CNTN3: variants seen among roughly 807,000 people sequenced by gnomAD.
The protein encoded by CNTN3 is contactin 3, also known as contactin-3.
CNTN3 carries 60 observed loss-of-function variants against 119.1 expected under a neutral mutation model. The observed-to-expected ratio is 0.50, with a 90% confidence interval of 0.41 to 0.62. CNTN3 has a LOEUF of 0.62. Among genes scored for constraint, CNTN3 ranks in the 20% least tolerant of loss-of-function variants. The pLI is 0.00. For synonymous variants in CNTN3, 450 were observed against 438.7 expected (o/e 1.03, Z -0.32); for missense variants, 1,101 against 1,242.4 (o/e 0.89, Z 1.71).
chr3:74,344,466 C>T (rs1487529629), intron 11 of CNTN3, among the ~76,000 whole-genome samples: 2 of 113,678 alleles, frequency 1.8e-5, no homozygotes, highest in Non-Finnish European at 3.3e-5. Context: ...CACTCTGTCC[C>T]CCAGGCTGGA....
chr3:74,463,132 C>G (rs187599050), intron 4 of CNTN3, among the ~76,000 whole-genome samples: 200 of 152,176 alleles, frequency 1.3e-3, no homozygotes, highest in African/African-American at 4.5e-3. Context: ...GTAATCTAAT[C>G]GTTGGTTCAA....
At chr3:74,347,426 A>C (rs1048684104) in intron 11 of CNTN3, among the ~76,000 whole-genome samples, 1 of 152,122 alleles carries the variant, frequency 6.6e-6, no homozygotes, top group South Asian at 2.1e-4. Flanking sequence ...CACTTCTTGC[A>C]AAATGAGCCT....
intron 5 of CNTN3, among the ~76,000 whole-genome samples, chr3:74,393,797 T>A (rs1704976799): frequency 6.6e-6 from 1 of 152,184 alleles, no homozygotes; most frequent in South Asian, 2.1e-4. Context: ...ATTTGCAGAA[T>A]CTTTTAATGT....
At position 74,525,342 on chromosome 3, in the gene CNTN3, T is replaced by C. The variant is rs375791739; in HGVS notation, c.-80-4150A>G. On this transcript the variant is annotated intron_variant, in intron 1 of 22. Coordinates refer to ENST00000263665, the MANE Select transcript of CNTN3 (RefSeq NM_020872.3). ...AAGAGATGTCATTCAGGAAGTTTTT[T>C]TTAAATTATGTTGCTTATTTTTAAT... 2.6e-5 allele frequency among the ~76,000 whole-genome samples: 4 copies of C among 152,052 alleles called. No individual in the cohort carries two copies. The East Asian group carries it at 7.8e-4, about 30-fold the overall frequency.
At chr3:74,419,885 G>A (rs551966653) in intron 5 of CNTN3, among the ~76,000 whole-genome samples, 11 of 152,044 alleles carry the variant, frequency 7.2e-5, no homozygotes, top group African/African-American at 7.2e-5. Flanking sequence ...AATTTTTCTC[G>A]TGTATTTCAA....
chr3:74,451,103 T>G (rs967325837), intron 4 of CNTN3, among the ~76,000 whole-genome samples: 30 of 152,110 alleles, frequency 2.0e-4, no homozygotes, highest in African/African-American at 6.8e-4. Flanking sequence ...ACTTCCACAA[T>G]GGTTGAACTA....
In CNTN3 at chr3:74,581,376, T is replaced by G. The variant is rs375777070; in HGVS notation, c.-81+33015A>C. On this transcript the variant is annotated intron_variant, in intron 1 of 22. Coordinates refer to ENST00000263665, the MANE Select transcript of CNTN3 (RefSeq NM_020872.3). ...AAAATAAATGCTTAAAAACCATACTTGCATTAGCATATAAAAACATCACAT... is the reference window on the plus strand; with the variant it reads ...AAAATAAATGCTTAAAAACCATACTGGCATTAGCATATAAAAACATCACAT... Among the ~76,000 whole-genome samples, 13 of 152,262 alleles carry G rather than the reference T, an allele frequency of 8.5e-5. No homozygotes were observed. In the South Asian group the frequency reaches 2.5e-3, roughly 29 times the overall value.
At chr3:74,515,296 G>A (rs535663315) in intron 2 of CNTN3, among the ~76,000 whole-genome samples, 4 of 152,044 alleles carry the variant, frequency 2.6e-5, no homozygotes, top group Non-Finnish European at 5.9e-5. Flanking sequence ...CTCACACAGG[G>A]CCCACCTCTG....
chr3:74,524,498 C>T (rs1703587782), intron 1 of CNTN3, among the ~76,000 whole-genome samples: 1 of 151,778 alleles, frequency 6.6e-6, no homozygotes, highest in Admixed American at 6.6e-5. Context: ...GGGAAAACTT[C>T]TCTGAGGAAT....
At chr3:74,394,424 G>C (rs1704994008) in intron 5 of CNTN3, among the ~76,000 whole-genome samples, 1 of 152,080 alleles carries the variant, frequency 6.6e-6, no homozygotes, top group South Asian at 2.1e-4. Flanking sequence ...ATCCATTATA[G>C]AGCAAAATGG....
chr3:74,362,119 G>T (rs1365811281), intron 10 of CNTN3, 79 bp from the exon 11 acceptor site: 1 of 1,496,796 alleles, frequency 6.7e-7, no homozygotes, highest in Non-Finnish European at 9.1e-7. Flanking sequence ...CACTTTTACA[G>T]TTTTAAAAGT....
chr3:74,582,918 C>T (rs1212346879), intron 1 of CNTN3, among the ~76,000 whole-genome samples: 1 of 152,048 alleles, frequency 6.6e-6, no homozygotes, highest in Non-Finnish European at 1.5e-5. Flanking sequence ...TCCATATTTA[C>T]AGTTGTCTCA....
At chr3:74,487,235 T>G (rs1378567893) in intron 3 of CNTN3, among the ~76,000 whole-genome samples, 1 of 152,214 alleles carries the variant, frequency 6.6e-6, no homozygotes, top group African/African-American at 2.4e-5. Flanking sequence ...CAGAGCCATA[T>G]TTATCAACGA....
At chr3:74,444,480 G>A (rs1042042588) in intron 4 of CNTN3, among the ~76,000 whole-genome samples, 6 of 152,058 alleles carry the variant, frequency 3.9e-5, no homozygotes, top group African/African-American at 7.2e-5. Context: ...AAGGCTTTCC[G>A]TATTTCTTCC....
intron 11 of CNTN3, among the ~76,000 whole-genome samples, chr3:74,343,665 G>A (rs1031971567): frequency 2.0e-5 from 3 of 152,160 alleles, no homozygotes; most frequent in African/African-American, 7.2e-5. Flanking sequence ...GTCTTGGTAG[G>A]GCTATGAATC....
chr3:74,592,010 G>A (rs1704711001), intron 1 of CNTN3, among the ~76,000 whole-genome samples: 1 of 151,928 alleles, frequency 6.6e-6, no homozygotes, highest in South Asian at 2.1e-4. Flanking sequence ...AGCAAGGGAA[G>A]AAGGCTAAAA....
chr3:74,477,534 A>G (rs1312862163), intron 4 of CNTN3, among the ~76,000 whole-genome samples: 1 of 152,158 alleles, frequency 6.6e-6, no homozygotes, highest in Admixed American at 6.6e-5. Flanking sequence ...ATCTAAAAAT[A>G]AAAACTCATG....
chr3:74,387,257 A>G (rs1704774175), intron 5 of CNTN3, among the ~76,000 whole-genome samples: 1 of 152,226 alleles, frequency 6.6e-6, no homozygotes, highest in African/African-American at 2.4e-5. Flanking sequence ...GATGGGGAAC[A>G]TGGCAAGAAT....
intron 13 of CNTN3, among the ~76,000 whole-genome samples, chr3:74,306,530 A>G (rs1223942302): frequency 6.6e-6 from 1 of 152,154 alleles, no homozygotes; most frequent in Non-Finnish European, 1.5e-5. Context: ...CAGAATTGAG[A>G]AGGTGCAAAT....
Sources: allele counts gnomAD v4.1 joint callset (sites outside exome capture counted in the v4.1 genomes callset), GRCh38; gene constraint gnomAD v4.1.1; transcripts MANE v1.5; gene names NCBI Gene and HGNC (gene_info 2026-07-23, HGNC 2026-07-21).